The following BTRC variants were observed in gnomAD, a reference collection of about 807,000 sequenced individuals.
The protein encoded by BTRC is beta-transducin repeat containing E3 ubiquitin protein ligase.
BTRC carries 42 observed loss-of-function variants against 85.5 expected under a neutral mutation model. The observed-to-expected ratio is 0.49, with a 90% CI of 0.38 to 0.64. The LOEUF (loss-of-function observed/expected upper bound fraction) is 0.64. Among genes scored for constraint, BTRC ranks in the 30% least tolerant of loss-of-function variants. BTRC has a pLI of 0.00. For missense variants in BTRC, 594 were observed against 743.5 expected (o/e 0.80, Z 2.34); for synonymous variants, 255 against 263.3 (o/e 0.97, Z 0.30).
At chr10:101,366,090 T>C (rs1244336361) in intron 1 of BTRC, among the ~76,000 whole-genome samples, 1 of 152,142 alleles carries the variant, frequency 6.6e-6, no homozygotes, top group African/African-American at 2.4e-5. Context: ...ATTTACACCA[T>C]AAAACCCCTT....
chr10:101,377,306 A>C (rs1246008817), intron 1 of BTRC, among the ~76,000 whole-genome samples: 1 of 152,200 alleles, frequency 6.6e-6, no homozygotes, highest in Admixed American at 6.5e-5. Flanking sequence ...CCTGAAGGAC[A>C]TTTGGGTTGT....
intron 1 of BTRC, among the ~76,000 whole-genome samples, chr10:101,402,984 G>T (rs1258808454): frequency 6.6e-6 from 1 of 152,110 alleles, no homozygotes. Context: ...GTTAATGTGT[G>T]GTGGCTAAAC....
chr10:101,538,523 T>G, intron 13 of BTRC, 152 bp downstream of exon 13: 1 of 643,760 alleles, frequency 1.6e-6, no homozygotes, highest in Non-Finnish European at 2.7e-6. Flanking sequence ...GACAATAAAA[T>G]ATGTTTATAT....
intron 4 of BTRC, among the ~76,000 whole-genome samples, chr10:101,493,898 A>G (rs1401061991): frequency 1.3e-5 from 2 of 152,184 alleles, no homozygotes; most frequent in Non-Finnish European, 2.9e-5. Flanking sequence ...AAGCCTTTGG[A>G]TGCCACAAAA....
intron 1 of BTRC, among the ~76,000 whole-genome samples, chr10:101,374,688 C>T (rs1028313733): frequency 3.5e-4 from 51 of 146,536 alleles, no homozygotes; most frequent in Non-Finnish European, 5.8e-4. Flanking sequence ...TGCTAGATGA[C>T]GAGTTAGTGG....
Position 101,522,014 on chromosome 10 carries a change from C to CTTTTTTTTTTTTTTTTT in BTRC, c.556+164_556+180dup. On this transcript the variant is annotated intron_variant, in intron 5 of 14. Transcript: ENST00000370187. Reference sequence around the variant, plus strand: ...TTAACTGTACCTTTTTGATATAAAGCTTTTTTTTTTTTTTTTTTTTTTTTT... The same window carrying CTTTTTTTTTTTTTTTTT: ...TTAACTGTACCTTTTTGATATAAAGCTTTTTTTTTTTTTTTTTTTTTTTTTTTTTTTTTTTTTTTTTT... The CTTTTTTTTTTTTTTTTT allele has an allele frequency of 3.1e-5, 2 of 64,424 alleles. 1 individual carries two copies. Among genetic ancestry groups the CTTTTTTTTTTTTTTTTT allele is most frequent in the Admixed American group, 5.7e-4 (2 of 3,498 alleles). The allele number at this position is 64,424 out of a possible 1,614,324, so 4.0% of individuals were successfully genotyped here. A position where few individuals can be genotyped will look rare whatever the true frequency, so the allele number is the denominator to read the frequency against.
intron 13 of BTRC, among the ~76,000 whole-genome samples, chr10:101,541,147 A>G (rs1056235410): frequency 7.2e-5 from 11 of 151,994 alleles, no homozygotes; most frequent in African/African-American, 1.4e-4. Context: ...CAATGTTAAA[A>G]ACAATTGGTA....
intron 4 of BTRC, among the ~76,000 whole-genome samples, chr10:101,499,896 G>C (rs1374409417): frequency 6.6e-6 from 1 of 151,812 alleles, no homozygotes; most frequent in Non-Finnish European, 1.5e-5. Context: ...ATGCCACCTT[G>C]GTCTTGAGGG....
rs547909560 is a variant in BTRC at position 101,536,486 on chromosome 10, A to G, written c.1467-57A>G. On this transcript the variant is annotated intron_variant, in intron 11 of 14. Transcript: ENST00000370187. ...GGCATATGAGGTGTATTGTTATAAC[A>G]TTCCAGGCTTAGAAAAGAATACGTG... 41 of 1,342,202 alleles carry G rather than the reference A, an allele frequency of 3.1e-5. 1 individual carries two copies. In the South Asian group the frequency reaches 4.4e-4, roughly 14 times the overall value. The allele number at this position is 1,342,202 out of a possible 1,614,324, so 83.1% of individuals were successfully genotyped here.
chr10:101,519,565 A>G (rs896237112), intron 4 of BTRC, among the ~76,000 whole-genome samples: 1 of 152,228 alleles, frequency 6.6e-6, no homozygotes, highest in South Asian at 2.1e-4. Context: ...GTAAAGCCTC[A>G]TACGATTAGG....
chr10:101,414,046 C>G (rs995723286), intron 1 of BTRC, among the ~76,000 whole-genome samples: 4 of 152,154 alleles, frequency 2.6e-5, no homozygotes, highest in African/African-American at 9.7e-5. Context: ...TTAGCACATT[C>G]ACATCATTGT....
At chr10:101,370,825 G>A (rs1942614085) in intron 1 of BTRC, among the ~76,000 whole-genome samples, 1 of 152,064 alleles carries the variant, frequency 6.6e-6, no homozygotes, top group South Asian at 2.1e-4. Context: ...ACCTGCCTCT[G>A]CCTCCCCAAG....
At chr10:101,407,728 CT>C (rs60661364) in intron 1 of BTRC, among the ~76,000 whole-genome samples, 175 of 138,198 alleles carry the variant, frequency 1.3e-3, no homozygotes, top group Middle Eastern at 4.1e-3. Flanking sequence ...TTTTCTTTTT[CT>C]TTTTTTTTTT....
At chr10:101,447,257 C>A (rs1944851405) in intron 2 of BTRC, among the ~76,000 whole-genome samples, 1 of 152,068 alleles carries the variant, frequency 6.6e-6, no homozygotes, top group African/African-American at 2.4e-5. Flanking sequence ...GGTCAAGTGA[C>A]CCACAAGTCA....
chr10:101,410,853 T>C (rs1026338107), intron 1 of BTRC, among the ~76,000 whole-genome samples: 5 of 152,162 alleles, frequency 3.3e-5, no homozygotes, highest in Non-Finnish European at 7.4e-5. Flanking sequence ...TACATTCCTA[T>C]CCTTTGTGTT....
At chr10:101,436,725 A>G (rs1944542906) in intron 2 of BTRC, among the ~76,000 whole-genome samples, 1 of 152,142 alleles carries the variant, frequency 6.6e-6, no homozygotes, top group African/African-American at 2.4e-5. Flanking sequence ...ATTTTAGGAA[A>G]ATCTTGAGCT....
intron 1 of BTRC, among the ~76,000 whole-genome samples, chr10:101,404,153 C>G (rs900270953): frequency 6.7e-6 from 1 of 149,940 alleles, no homozygotes. Context: ...GCCTCAGCCT[C>G]TCGAGTAGCT....
intron 1 of BTRC, among the ~76,000 whole-genome samples, chr10:101,415,257 C>T (rs1348803264): frequency 1.3e-5 from 2 of 150,514 alleles, no homozygotes; most frequent in Non-Finnish European, 3.0e-5. Flanking sequence ...CTTACTTCAG[C>T]CTCCACATTC....
intron 1 of BTRC, among the ~76,000 whole-genome samples, chr10:101,413,767 C>T (rs1943849054): frequency 6.6e-6 from 1 of 152,180 alleles, no homozygotes; most frequent in Non-Finnish European, 1.5e-5. Flanking sequence ...TGCTTTGTTT[C>T]TAATCTTCTC....
Sources: allele counts gnomAD v4.1 joint callset (sites outside exome capture counted in the v4.1 genomes callset), GRCh38; gene constraint gnomAD v4.1.1; transcripts MANE v1.5; gene names NCBI Gene and HGNC (gene_info 2026-07-23, HGNC 2026-07-21).